AGPAT4: variants seen among roughly 807,000 people sequenced by gnomAD.
AGPAT4 encodes the protein 1-acyl-sn-glycerol-3-phosphate acyltransferase delta.
AGPAT4 carries 15 observed loss-of-function variants against 48.0 expected under a neutral mutation model. The ratio of observed to expected loss-of-function variants is 0.31; its 90% confidence interval spans 0.21 to 0.48. AGPAT4 has a LOEUF of 0.48. Among genes scored for constraint, AGPAT4 ranks in the 20% least tolerant of loss-of-function variants. The pLI, the probability that AGPAT4 is intolerant of heterozygous loss-of-function variation, is 0.99. For missense variants in AGPAT4, 314 were observed against 482.5 expected (o/e 0.65, Z 3.27); for synonymous variants, 178 against 198.7 (o/e 0.90, Z 0.88).
rs1219360359 is a variant in AGPAT4, at chr6:161,219,943, C to T, written c.178+12093G>A. 1.4e-4 allele frequency among the ~76,000 whole-genome samples: 20 copies of T among 142,446 alleles called. No homozygotes were observed. The East Asian group carries it at 4.2e-3, about 30-fold the overall frequency. 93.5% of individuals were successfully genotyped at this position (142,446 alleles called of 152,430 possible). On this transcript the variant is annotated intron_variant, in intron 2 of 8. Transcript: ENST00000320285. The surrounding 1 kb of genome is among the most constrained non-coding windows in gnomAD (Gnocchi z 4.9). ...GCAGGCAGGCAGGCAGGCAGGCAGG[C>T]AGGCAGACAGACAGACAGACAGACA...
chr6:161,229,977 C>T lies in AGPAT4; in HGVS notation c.178+2059G>A, dbSNP rs569890150. Among the ~76,000 whole-genome samples, 2 of 152,244 alleles carry T rather than the reference C, an allele frequency of 1.3e-5. No individual in the cohort carries two copies. The highest frequency in any genetic ancestry group is 1.3e-4 in the Admixed American group (2 of 15,294). ...TAGACTACCTACCCTTCATTGCACCCGGCATTGAGATGCCAGTTGTCTTAG... is the reference window on the plus strand; with the variant it reads ...TAGACTACCTACCCTTCATTGCACCTGGCATTGAGATGCCAGTTGTCTTAG... On this transcript the variant is annotated intron_variant, in intron 2 of 8. Coordinates refer to ENST00000320285, the MANE Select transcript of AGPAT4 (RefSeq NM_020133.3). This position sits in a 1 kb window ranked among gnomAD's most constrained non-coding sequence, Gnocchi z 6.0.
rs1271967732 is a variant in AGPAT4, at chr6:161,272,115, C to A, written c.-90+1823G>T. 6.6e-6 allele frequency among the ~76,000 whole-genome samples: 1 copy of A among 152,156 alleles called. No homozygotes were observed. Among genetic ancestry groups the A allele is most frequent in the Non-Finnish European group, 1.5e-5 (1 of 68,042 alleles). On this transcript the variant is annotated intron_variant, in intron 1 of 8. Coordinates refer to ENST00000320285, the MANE Select transcript of AGPAT4 (RefSeq NM_020133.3). This position sits in a 1 kb window ranked among gnomAD's most constrained non-coding sequence, Gnocchi z 4.2. ...GTGCCATGCTATTTTGCCCCATTTT[C>A]AGGTAACTTTTCTACCTGAATTACT... is the stretch of plus-strand genomic sequence containing the variant.
At chr6:161,160,213 C>A (rs1583290882) in intron 3 of AGPAT4, 1 of 148,326 alleles carries the variant, frequency 6.7e-6, no homozygotes. Flanking sequence ...CCACCCGCCT[C>A]GGCCTCCCAA....
Position 161,221,726 on chromosome 6 carries a change from G to A in AGPAT4, c.178+10310C>T, listed in dbSNP as rs1781840297. Among the ~76,000 whole-genome samples the A allele has an allele frequency of 6.6e-6, 1 of 152,190 alleles. No individual in the cohort carries two copies. Among genetic ancestry groups the A allele is most frequent in the Non-Finnish European group, 1.5e-5 (1 of 68,032 alleles). The stretch of plus-strand genomic sequence containing the variant: ...GGGTTGGTTCCTTCTGAGCATGTGA[G>A]GGAGGATCTGTGTCACAGCTCTCTC... On this transcript the variant is annotated intron_variant, in intron 2 of 8. Coordinates refer to ENST00000320285, the MANE Select transcript of AGPAT4 (RefSeq NM_020133.3). This position sits in a 1 kb window ranked among gnomAD's most constrained non-coding sequence, Gnocchi z 4.5.
At chr6:161,186,290 G>C (rs778294747) in intron 2 of AGPAT4, among the ~76,000 whole-genome samples, 4 of 152,128 alleles carry the variant, frequency 2.6e-5, no homozygotes, top group Admixed American at 6.5e-5. Flanking sequence ...ACAAATCTGG[G>C]AATCAGACTC....
chr6:161,259,890 C>T lies in AGPAT4; in HGVS notation c.-90+14048G>A, dbSNP rs1481196114. ...GCACGCTGCACCCCCAGGGCCGAGTCGTAAGTTCACCATTGAGTCACATCC... is the reference window on the plus strand; with the variant it reads ...GCACGCTGCACCCCCAGGGCCGAGTTGTAAGTTCACCATTGAGTCACATCC... On this transcript the variant is annotated intron_variant, in intron 1 of 8. Transcript: ENST00000320285. This position sits in a 1 kb window ranked among gnomAD's most constrained non-coding sequence, Gnocchi z 4.9. Among the ~76,000 whole-genome samples, 3 of 152,198 alleles carry T rather than the reference C, an allele frequency of 2.0e-5. No homozygotes were observed. The highest frequency in any genetic ancestry group is 4.4e-5 in the Non-Finnish European group (3 of 68,038).
Position 161,232,865 on chromosome 6 carries a change from C to G in AGPAT4, c.-89-563G>C, listed in dbSNP as rs1782160953. Among the ~76,000 whole-genome samples, 1 of 152,174 alleles carries G rather than the reference C, an allele frequency of 6.6e-6. No individual in the cohort carries two copies. Among genetic ancestry groups the G allele is most frequent in the Non-Finnish European group, 1.5e-5 (1 of 68,036 alleles). On this transcript the variant is annotated intron_variant, in intron 1 of 8. Transcript: ENST00000320285. The surrounding 1 kb of genome is among the most constrained non-coding windows in gnomAD (Gnocchi z 6.8). Reference sequence around the variant, plus strand: ...CATACCCAGAGTGGGTGCCACCCCTCAAGCAACCGGGACTAGGGAAGCATT... The same window carrying G: ...CATACCCAGAGTGGGTGCCACCCCTGAAGCAACCGGGACTAGGGAAGCATT...
rs1782270098 is a variant in AGPAT4, at chr6:161,236,248, C to T, written c.-89-3946G>A. 6.6e-6 allele frequency among the ~76,000 whole-genome samples: 1 copy of T among 151,834 alleles called. No individual in the cohort carries two copies. Among genetic ancestry groups the T allele is most frequent in the Non-Finnish European group, 1.5e-5 (1 of 67,996 alleles). ...TCTAAATCAACAGAGAACTAGGAAG[C>T]TGCTGCTATGCCATATTTCTGCGAA... On this transcript the variant is annotated intron_variant, in intron 1 of 8. Coordinates refer to ENST00000320285, the MANE Select transcript of AGPAT4 (RefSeq NM_020133.3). This position sits in a 1 kb window ranked among gnomAD's most constrained non-coding sequence, Gnocchi z 5.0.
At chr6:161,199,919 C>T (rs1238403497) in intron 2 of AGPAT4, among the ~76,000 whole-genome samples, 1 of 152,160 alleles carries the variant, frequency 6.6e-6, no homozygotes, top group Non-Finnish European at 1.5e-5. Context: ...TAGACTAAAG[C>T]AGCTTGACAT....
At chr6:161,192,457 CAT>C (rs1015322718) in intron 2 of AGPAT4, among the ~76,000 whole-genome samples, 3 of 152,136 alleles carry the variant, frequency 2.0e-5, no homozygotes, top group African/African-American at 7.2e-5. Flanking sequence ...GGCTGGAAGT[CAT>C]ATATTTTTTA....
chr6:161,160,763 G>A, intron 3 of AGPAT4: 1 of 347,666 alleles, frequency 2.9e-6, no homozygotes, highest in East Asian at 7.5e-5. Flanking sequence ...CCTGGACACA[G>A]GTCCTCAAGG....
At chr6:161,173,860 A>G (rs1562323937) in intron 2 of AGPAT4, among the ~76,000 whole-genome samples, 1 of 152,222 alleles carries the variant, frequency 6.6e-6, no homozygotes, top group East Asian at 1.9e-4. Flanking sequence ...AGCTTTCTAC[A>G]TATGGCTAGC....
Position 161,234,047 on chromosome 6 carries a change from C to T in AGPAT4, c.-89-1745G>A, listed in dbSNP as rs1192427504. 6.6e-6 allele frequency among the ~76,000 whole-genome samples: 1 copy of T among 152,180 alleles called. No homozygotes were observed. The highest frequency in any genetic ancestry group is 1.5e-5 in the Non-Finnish European group (1 of 68,040). ...TCCTGCACGTGTCAGGGGTGTTCTG[C>T]TCCTGAGATGTGAGGCGGGAGGTCT... On this transcript the variant is annotated intron_variant, in intron 1 of 8. Transcript: ENST00000320285. The surrounding 1 kb of genome is among the most constrained non-coding windows in gnomAD (Gnocchi z 4.4).
intron 1 of AGPAT4, among the ~76,000 whole-genome samples, chr6:161,258,073 C>A (rs561551112): frequency 5.3e-4 from 81 of 152,316 alleles, no homozygotes; most frequent in Middle Eastern, 3.4e-3. Context: ...GGAAAAAACT[C>A]CTGCGTGCCA....
Position 161,139,705 on chromosome 6 carries a change from CAG to C in AGPAT4, c.844-87_844-86del, listed in dbSNP as rs558712571. Reference sequence around the variant, plus strand: ...CGAGGCCCTGCTTCCAAGGGAATCGCAGAGATACACAGGTGCCACCGGGGCTC... The same window carrying C: ...CGAGGCCCTGCTTCCAAGGGAATCGCAGATACACAGGTGCCACCGGGGCTC... On this transcript the variant is annotated intron_variant, in intron 7 of 8. Coordinates refer to ENST00000320285, the MANE Select transcript of AGPAT4 (RefSeq NM_020133.3). This position sits in a 1 kb window ranked among gnomAD's most constrained non-coding sequence, Gnocchi z 9.1. The C allele has an allele frequency of 1.5e-4, 182 of 1,244,030 alleles. No individual in the cohort carries two copies. In the African/African-American group the frequency reaches 2.5e-3, roughly 17 times the overall value. The allele number at this position is 1,244,030 out of a possible 1,614,324, so 77.1% of individuals were successfully genotyped here.
rs1281866695 is a variant in AGPAT4, at chr6:161,217,185, A to C, written c.178+14851T>G. 1.3e-5 allele frequency among the ~76,000 whole-genome samples: 2 copies of C among 152,242 alleles called. No individual in the cohort carries two copies. Among genetic ancestry groups the C allele is most frequent in the Non-Finnish European group, 2.9e-5 (2 of 68,046 alleles). On this transcript the variant is annotated intron_variant, in intron 2 of 8. Transcript: ENST00000320285. The surrounding 1 kb of genome is among the most constrained non-coding windows in gnomAD (Gnocchi z 4.9). ...GTGAGCACAGGCGTGGGGACGCGAA[A>C]GGACAGGGGAACACCGGAGAACTCG...
chr6:161,246,550 C>T lies in AGPAT4; in HGVS notation c.-89-14248G>A, dbSNP rs1331392519. On this transcript the variant is annotated intron_variant, in intron 1 of 8. Transcript: ENST00000320285. The surrounding 1 kb of genome is among the most constrained non-coding windows in gnomAD (Gnocchi z 5.5). ...TCAGCCTCCCGAGTAGCTGGGATTA[C>T]AGGCATGCGCCACCACGCCCAGCTA... Among the ~76,000 whole-genome samples the T allele has an allele frequency of 6.6e-6, 1 of 152,136 alleles. No individual in the cohort carries two copies. Among genetic ancestry groups the T allele is most frequent in the Non-Finnish European group, 1.5e-5 (1 of 68,024 alleles).
chr6:161,188,084 T>C (rs949940011), intron 2 of AGPAT4, among the ~76,000 whole-genome samples: 1 of 152,160 alleles, frequency 6.6e-6, no homozygotes, highest in Non-Finnish European at 1.5e-5. Flanking sequence ...TACAAATATA[T>C]AATAAAATGC....
At position 161,134,191 on chromosome 6, in the gene AGPAT4, G is replaced by A. The variant is rs1778989666; in HGVS notation, c.*2349C>T. 6.6e-6 allele frequency: 1 copy of A among 152,150 alleles called. No homozygotes were observed. The highest frequency in any genetic ancestry group is 2.4e-5 in the African/African-American group (1 of 41,434). 9.4% of individuals were successfully genotyped at this position (152,150 alleles called of 1,614,324 possible). A position where few individuals can be genotyped will look rare whatever the true frequency, so the allele number is the denominator to read the frequency against. On this transcript the variant is annotated 3_prime_UTR_variant, in exon 9 of 9. Coordinates refer to ENST00000320285, the MANE Select transcript of AGPAT4 (RefSeq NM_020133.3). Reference sequence around the variant, plus strand: ...TCGGCTCTAAGGCAATTCAAAACTTGGCGCTCACTTAGTTATTTCCTAAGA... The same window carrying A: ...TCGGCTCTAAGGCAATTCAAAACTTAGCGCTCACTTAGTTATTTCCTAAGA...
Sources: allele counts gnomAD v4.1 joint callset (sites outside exome capture counted in the v4.1 genomes callset), GRCh38; gene constraint gnomAD v4.1.1; non-coding constraint Gnocchi (gnomAD v3.1); transcripts MANE v1.5; gene names NCBI Gene and HGNC (gene_info 2026-07-23, HGNC 2026-07-21).